The following PHACTR3 variants were observed in gnomAD, a reference collection of about 807,000 sequenced individuals.
PHACTR3 encodes the protein phosphatase and actin regulator 3, also known as protein phosphatase 1, regulatory subunit 123.
PHACTR3 carries 16 observed loss-of-function variants against 66.8 expected under a neutral mutation model. That is an observed-to-expected ratio of 0.24 (90% CI 0.16 to 0.36). The LOEUF (loss-of-function observed/expected upper bound fraction) is 0.36. Among genes scored for constraint, PHACTR3 ranks in the 10% least tolerant of loss-of-function variants. The pLI, the probability that PHACTR3 is intolerant of heterozygous loss-of-function variation, is 1.00. For missense variants in PHACTR3, 647 were observed against 719.9 expected, an observed-to-expected ratio of 0.90 and a Z score of 1.16; for synonymous variants, 323 against 292.1, an observed-to-expected ratio of 1.11 and a Z score of -1.08.
At chr20:59,697,297 C>CA (rs1474893274) in intron 1 of PHACTR3, among the ~76,000 whole-genome samples, 1 of 152,178 alleles carries the variant, frequency 6.6e-6, no homozygotes, top group African/African-American at 2.4e-5. Flanking sequence ...CATGCGATTG[C>CA]ATCATATTGT....
chr20:59,609,727 G>C (rs966493777), intron 1 of PHACTR3, among the ~76,000 whole-genome samples: 1 of 152,122 alleles, frequency 6.6e-6, no homozygotes, highest in Non-Finnish European at 1.5e-5. Flanking sequence ...TTCCTTCCTC[G>C]AATGTTCTCT....
intron 1 of PHACTR3, among the ~76,000 whole-genome samples, chr20:59,622,720 G>T (rs943667801): frequency 1.3e-5 from 2 of 151,992 alleles, no homozygotes; most frequent in Admixed American, 1.3e-4. Context: ...AGGGGTTAGA[G>T]ATGCCTCGGG....
At chr20:59,651,037 G>C (rs1213603059) in intron 1 of PHACTR3, among the ~76,000 whole-genome samples, 1 of 151,772 alleles carries the variant, frequency 6.6e-6, no homozygotes, top group Non-Finnish European at 1.5e-5. Context: ...CATGAATGTT[G>C]TGTGTGTGTG....
At chr20:59,786,176 C>T (rs893243617) in intron 7 of PHACTR3, among the ~76,000 whole-genome samples, 1 of 152,246 alleles carries the variant, frequency 6.6e-6, no homozygotes, top group Admixed American at 6.5e-5. Context: ...TCCCCAGCTT[C>T]TGCGTGTGTG....
At chr20:59,724,029 T>C (rs1386374759) in intron 1 of PHACTR3, among the ~76,000 whole-genome samples, 1 of 152,130 alleles carries the variant, frequency 6.6e-6, no homozygotes, top group Admixed American at 6.5e-5. Context: ...ACACCTTTTA[T>C]TGAGCCTGAA....
intron 1 of PHACTR3, among the ~76,000 whole-genome samples, chr20:59,735,555 G>C (rs1278719286): frequency 6.6e-6 from 1 of 152,074 alleles, no homozygotes; most frequent in Non-Finnish European, 1.5e-5. Context: ...GTGGATGAAA[G>C]ATGAGGATGA....
intron 1 of PHACTR3, among the ~76,000 whole-genome samples, chr20:59,627,270 C>G (rs1018881843): frequency 3.3e-5 from 5 of 152,216 alleles, no homozygotes; most frequent in African/African-American, 7.2e-5. Flanking sequence ...CTCCCTCACT[C>G]TCATTGCTCC....
At chr20:59,735,428 A>T (rs778680451) in intron 1 of PHACTR3, among the ~76,000 whole-genome samples, 3 of 152,170 alleles carry the variant, frequency 2.0e-5, no homozygotes, top group Non-Finnish European at 4.4e-5. Flanking sequence ...CTAAGAAATC[A>T]GCCATGTAGC....
At chr20:59,625,566 CATGCTG>C in intron 1 of PHACTR3, among the ~76,000 whole-genome samples, 2 of 152,258 alleles carry the variant, frequency 1.3e-5, no homozygotes, top group Admixed American at 1.3e-4. Context: ...GCAGGAGGAA[CATGCTG>C]ATGTCTCCCT....
At chr20:59,648,361 C>T (rs1018068160) in intron 1 of PHACTR3, among the ~76,000 whole-genome samples, 2 of 152,156 alleles carry the variant, frequency 1.3e-5, no homozygotes, top group African/African-American at 4.8e-5. Flanking sequence ...TCTTACTGGC[C>T]TGGAGGTGGT....
chr20:59,778,581 GC>G (rs1173988224), intron 7 of PHACTR3, among the ~76,000 whole-genome samples: 1 of 152,238 alleles, frequency 6.6e-6, no homozygotes, highest in Non-Finnish European at 1.5e-5. Context: ...AATACCATTG[GC>G]TTTGCCCATG....
intron 8 of PHACTR3, among the ~76,000 whole-genome samples, chr20:59,810,980 C>T (rs1377962078): frequency 2.6e-5 from 4 of 152,236 alleles, no homozygotes; most frequent in African/African-American, 9.6e-5. Flanking sequence ...CACCTGCTGC[C>T]GGCTTTCAGC....
At chr20:59,792,940 A>G (rs1332542270) in intron 7 of PHACTR3, among the ~76,000 whole-genome samples, 1 of 152,172 alleles carries the variant, frequency 6.6e-6, no homozygotes, top group South Asian at 2.1e-4. Flanking sequence ...GCTGGAGTGC[A>G]GTGGTATAAC....
chr20:59,635,169 C>CCTTTCTTTCTTT (rs11471795), intron 1 of PHACTR3, among the ~76,000 whole-genome samples: 23 of 55,374 alleles, frequency 4.2e-4, no homozygotes, highest in South Asian at 2.3e-3. Flanking sequence ...TTCTTTCTTT[C>CCTTTCTTTCTTT]CTTTCTTTCT....
rs138576434 is a variant in PHACTR3, at chr20:59,736,116, A to T, written c.119-6991A>T. ...GTCCCTTGAGTTGCAAGCATGTGAC[A>T]TCAGCAGGGGAGGGCCAGCTGCCCC... On this transcript the variant is annotated intron_variant, in intron 1 of 12. Coordinates refer to ENST00000371015, the MANE Select transcript of PHACTR3 (RefSeq NM_080672.5). The surrounding 1 kb of genome is among the most constrained non-coding windows in gnomAD (Gnocchi z 4.6). 6.6e-6 allele frequency among the ~76,000 whole-genome samples: 1 copy of T among 152,112 alleles called. No homozygotes were observed. Among genetic ancestry groups the T allele is most frequent in the South Asian group, 2.1e-4 (1 of 4,816 alleles).
intron 1 of PHACTR3, among the ~76,000 whole-genome samples, chr20:59,616,524 C>T (rs2034031158): frequency 6.6e-6 from 1 of 152,246 alleles, no homozygotes; most frequent in South Asian, 2.1e-4. Flanking sequence ...CCGGGAAGCT[C>T]CGCTCAAGGC....
At chr20:59,779,365 A>G (rs1448376045) in intron 7 of PHACTR3, among the ~76,000 whole-genome samples, 1 of 152,136 alleles carries the variant, frequency 6.6e-6, no homozygotes, top group Admixed American at 6.5e-5. Flanking sequence ...TTTTGGGGGG[A>G]AAATTACTCA....
intron 3 of PHACTR3, among the ~76,000 whole-genome samples, chr20:59,749,022 C>G (rs115631609): frequency 0.013 from 1,923 of 152,242 alleles, 36 homozygotes; most frequent in African/African-American, 0.044. Context: ...TAGGGGAAAT[C>G]TACATGGGAA....
At position 59,847,211 on chromosome 20, in the gene PHACTR3, A is replaced by G; in HGVS notation, c.*81A>G. 1 of 1,030,318 alleles carries G rather than the reference A, an allele frequency of 9.7e-7. No homozygotes were observed. Among genetic ancestry groups the G allele is most frequent in the Non-Finnish European group, 1.5e-6 (1 of 669,426 alleles). 63.8% of individuals were successfully genotyped at this position (1,030,318 alleles called of 1,614,324 possible). ...TCATCAGGGAACTTTCCTGAAGTTC[A>G]GCTCAAGACTACCCTACCTGCTGTG... is the stretch of plus-strand genomic sequence containing the variant. On this transcript the variant is annotated 3_prime_UTR_variant, in exon 13 of 13. Transcript: ENST00000371015.
Sources: gnomAD v4.1 joint callset for allele counts (sites outside exome capture counted in the v4.1 genomes callset) on GRCh38, gnomAD v4.1.1 for gene constraint, Gnocchi (gnomAD v3.1) non-coding constraint, MANE v1.5 for transcripts, NCBI Gene and HGNC (gene_info 2026-07-23, HGNC 2026-07-21) for gene names.